Variants in TUSC3 observed in about 807,000 individuals in gnomAD.
TUSC3 encodes dolichyl-diphosphooligosaccharide--protein glycosyltransferase subunit TUSC3.
Under a neutral mutation model 44.8 loss-of-function variants are expected in TUSC3, and 45 were observed. That is an observed-to-expected ratio of 1.00 (90% CI 0.79 to 1.29). The LOEUF is 1.29. TUSC3 is among the 50% of genes most tolerant of loss of function. The probability of loss-of-function intolerance (pLI) is 0.00; values close to 1 mark genes in which losing one functional copy is unlikely to be tolerated. For missense variants in TUSC3, 519 were observed against 437.9 expected (o/e 1.19, Z -1.65); for synonymous variants, 212 against 152.9 (o/e 1.39, Z -2.85).
intron 2 of TUSC3, among the ~76,000 whole-genome samples, chr8:15,528,720 C>A (rs1049826927): frequency 6.6e-6 from 1 of 152,142 alleles, no homozygotes. Flanking sequence ...TGGATTCTTT[C>A]TTTAATTTTT....
intron 6 of TUSC3, among the ~76,000 whole-genome samples, chr8:15,726,001 C>T (rs765286276): frequency 1.3e-5 from 2 of 152,146 alleles, no homozygotes; most frequent in Non-Finnish European, 2.9e-5. Flanking sequence ...GTTACCCTAG[C>T]TCTCTTTTCA....
In TUSC3 at chr8:15,676,401, T is replaced by C. The variant is rs187444892; in HGVS notation, c.798+2565T>C. Among the ~76,000 whole-genome samples the C allele has an allele frequency of 1.7e-4, 26 of 152,290 alleles. No homozygotes were observed. The East Asian group carries it at 3.9e-3, about 23-fold the overall frequency. On this transcript the variant is annotated intron_variant, in intron 6 of 10. Transcript: ENST00000503731. The stretch of plus-strand genomic sequence containing the variant: ...TTGTCAGGTACATAGTTTGTAAATG[T>C]TTTCTCCTATTCTGTAGGGTGTCTT...
chr8:15,758,849 C>A (rs1812046831), intron 10 of TUSC3, among the ~76,000 whole-genome samples: 1 of 152,088 alleles, frequency 6.6e-6, no homozygotes, highest in African/African-American at 2.4e-5. Context: ...GCTGTTGCCC[C>A]ATGAAATGAC....
chr8:15,616,899 C>G (rs1805009289), intron 1 of TUSC3, among the ~76,000 whole-genome samples: 1 of 152,068 alleles, frequency 6.6e-6, no homozygotes, highest in Non-Finnish European at 1.5e-5. Flanking sequence ...CTGCAGTTGG[C>G]ACAGAATCTG....
intron 7 of TUSC3, among the ~76,000 whole-genome samples, chr8:15,742,899 G>T: frequency 6.6e-6 from 1 of 152,184 alleles, no homozygotes; most frequent in East Asian, 1.9e-4. Flanking sequence ...AACATAGCAT[G>T]AATATATCCA....
At chr8:15,820,936 G>T in the TUSC3 span, among the ~76,000 whole-genome samples, 1 of 152,026 alleles carries the variant, frequency 6.6e-6, no homozygotes, top group African/African-American at 2.4e-5. Context: ...AATATAAAGA[G>T]GTAAAAATTG....
At chr8:15,520,157 C>A (rs1801276345) in intron 2 of TUSC3, among the ~76,000 whole-genome samples, 1 of 152,130 alleles carries the variant, frequency 6.6e-6, no homozygotes, top group African/African-American at 2.4e-5. Context: ...CATCCAAATT[C>A]AGTAAGCACC....
chr8:15,565,061 A>G (rs1381218632), intron 1 of TUSC3, among the ~76,000 whole-genome samples: 4 of 152,112 alleles, frequency 2.6e-5, no homozygotes, highest in Non-Finnish European at 4.4e-5. Flanking sequence ...AACAACAGCA[A>G]TCGATTATCT....
Position 15,544,205 on chromosome 8 carries a change from A to G in TUSC3, c.138+3637A>G, listed in dbSNP as rs11985552. On this transcript the variant is annotated intron_variant, in intron 1 of 10. Coordinates refer to ENST00000503731, the MANE Select transcript of TUSC3 (RefSeq NM_006765.4). ...CTTTTTAGTAGTGTATCATTTGCCT[A>G]TCTAGTGCATCTTGTGTTTCTTTTA... 8.8e-3 allele frequency among the ~76,000 whole-genome samples: 1,333 copies of G among 152,076 alleles called. 16 individuals carry two copies. The highest frequency in any genetic ancestry group is 0.029 in the African/African-American group (1,223 of 41,500).
chr8:15,743,310 T>G (rs1811272872), intron 7 of TUSC3: 1 of 536,392 alleles, frequency 1.9e-6, no homozygotes, highest in Non-Finnish European at 3.3e-6. Flanking sequence ...ACCTTTGGAA[T>G]TAGCCTCTCA....
At chr8:15,811,987 T>G in the TUSC3 span, among the ~76,000 whole-genome samples, 2 of 152,186 alleles carry the variant, frequency 1.3e-5, no homozygotes, top group African/African-American at 4.8e-5. Flanking sequence ...ATTAAAATAT[T>G]TTGCCCATGG....
intron 2 of TUSC3, among the ~76,000 whole-genome samples, chr8:15,490,824 T>C (rs1477792080): frequency 6.6e-6 from 1 of 152,192 alleles, no homozygotes; most frequent in Non-Finnish European, 1.5e-5. Flanking sequence ...TAGATTTGTG[T>C]TGTAAATCAA....
At chr8:15,620,054 T>G (rs1022396580) in intron 1 of TUSC3, among the ~76,000 whole-genome samples, 1 of 152,148 alleles carries the variant, frequency 6.6e-6, no homozygotes, top group Non-Finnish European at 1.5e-5. Context: ...AGAGGGAGAC[T>G]GTGTCAGAAA....
intron 1 of TUSC3, among the ~76,000 whole-genome samples, chr8:15,444,643 G>C (rs1372717851): frequency 2.0e-5 from 3 of 152,114 alleles, no homozygotes; most frequent in African/African-American, 4.8e-5. Flanking sequence ...CCCCAAATCA[G>C]AGCCCATTTT....
intron 10 of TUSC3, among the ~76,000 whole-genome samples, chr8:15,761,209 T>C (rs1812155567): frequency 6.6e-6 from 1 of 152,168 alleles, no homozygotes. Flanking sequence ...CTATGGAATA[T>C]TAATCCTTAG....
At chr8:15,624,847 T>A (rs539213838) in intron 2 of TUSC3, among the ~76,000 whole-genome samples, 7 of 152,308 alleles carry the variant, frequency 4.6e-5, no homozygotes, top group African/African-American at 1.7e-4. Flanking sequence ...TGTTGTCAAA[T>A]TAAAGAACTC....
chr8:15,448,117 A>ATATATATATATATTTTTATTTATT, intron 1 of TUSC3, among the ~76,000 whole-genome samples: 1 of 93,754 alleles, frequency 1.1e-5, no homozygotes, highest in East Asian at 2.7e-4. Context: ...ACATATATAT[A>ATATATATATATATTTTTATTTATT]TATTTATTTA....
intron 1 of TUSC3, among the ~76,000 whole-genome samples, chr8:15,560,642 A>C (rs1802425594): frequency 8.7e-6 from 1 of 115,056 alleles, no homozygotes; most frequent in Admixed American, 8.9e-5. Flanking sequence ...CAGGTACACC[A>C]ATCAGACGTA....
At chr8:15,737,058 G>A (rs1290369141) in intron 7 of TUSC3, among the ~76,000 whole-genome samples, 1 of 151,994 alleles carries the variant, frequency 6.6e-6, no homozygotes, top group Non-Finnish European at 1.5e-5. Flanking sequence ...CATTTTCTGT[G>A]AGCAAAACAT....
Sources: gnomAD v4.1 joint callset for allele counts (sites outside exome capture counted in the v4.1 genomes callset) on GRCh38, gnomAD v4.1.1 for gene constraint, MANE v1.5 for transcripts, NCBI Gene and HGNC (gene_info 2026-07-23, HGNC 2026-07-21) for gene names.